The following STK33 variants were observed in gnomAD, a reference collection of about 807,000 sequenced individuals.
The protein encoded by STK33 is serine/threonine-protein kinase 33.
In STK33, 52 loss-of-function variants were observed where a neutral mutation model predicts 58.0. That is an observed-to-expected ratio of 0.90 (90% CI 0.72 to 1.13). The LOEUF is 1.13. Ranked by LOEUF, STK33 falls within the 50% of genes most tolerant of loss-of-function variation. The pLI, the probability that STK33 is intolerant of heterozygous loss-of-function variation, is 0.00. For missense variants in STK33, 630 were observed against 604.2 expected (o/e 1.04, Z -0.45); for synonymous variants, 215 against 200.1 (o/e 1.07, Z -0.63).
At chr11:8,568,908 G>C (rs1432629115) in intron 1 of STK33, among the ~76,000 whole-genome samples, 1 of 152,136 alleles carries the variant, frequency 6.6e-6, no homozygotes, top group African/African-American at 2.4e-5. Context: ...AGACACTAAA[G>C]ATGACAAGGA....
intron 1 of STK33, among the ~76,000 whole-genome samples, chr11:8,509,383 T>C (rs1952128200): frequency 6.6e-6 from 1 of 152,208 alleles, no homozygotes; most frequent in Non-Finnish European, 1.5e-5. Context: ...AACATAATAC[T>C]TGGGCCATGA....
chr11:8,530,394 G>A (rs1954433371), intron 1 of STK33, among the ~76,000 whole-genome samples: 1 of 151,448 alleles, frequency 6.6e-6, no homozygotes, highest in Non-Finnish European at 1.5e-5. Flanking sequence ...TCCTGGTGGG[G>A]GAAATAGTTG....
intron 2 of STK33, among the ~76,000 whole-genome samples, chr11:8,477,991 C>G (rs1949441918): frequency 6.6e-6 from 1 of 152,132 alleles, no homozygotes; most frequent in South Asian, 2.1e-4. Context: ...TAGCTGCATG[C>G]AAAATTTCTT....
chr11:8,457,677 C>A (rs924969396), intron 8 of STK33, among the ~76,000 whole-genome samples, 198 bp from the exon 9 acceptor site: 1 of 152,112 alleles, frequency 6.6e-6, no homozygotes, highest in African/African-American at 2.4e-5. Flanking sequence ...CCAAGAAGCT[C>A]ACAAATAGTT....
At chr11:8,519,155 T>G (rs920919877) in intron 1 of STK33, among the ~76,000 whole-genome samples, 1 of 152,160 alleles carries the variant, frequency 6.6e-6, no homozygotes, top group Non-Finnish European at 1.5e-5. Flanking sequence ...CAGACCACAG[T>G]GCAAACAAAC....
chr11:8,533,509 G>C (rs1344087941), intron 1 of STK33: 3 of 152,266 alleles, frequency 2.0e-5, no homozygotes, highest in Non-Finnish European at 4.4e-5. Flanking sequence ...AGAAGAAAGA[G>C]GTGAAGATCA....
At chr11:8,464,906 C>T (rs564319612) in intron 6 of STK33, 84 bp from the exon 7 acceptor site, 2 of 810,278 alleles carry the variant, frequency 2.5e-6, no homozygotes, top group South Asian at 1.8e-5. Flanking sequence ...CAGATACTCA[C>T]CCAAGGGAAA....
At chr11:8,590,437 A>C (rs1169610474) in intron 1 of STK33, among the ~76,000 whole-genome samples, 2 of 152,204 alleles carry the variant, frequency 1.3e-5, no homozygotes, top group African/African-American at 2.4e-5. Flanking sequence ...AATAAGGATA[A>C]TAGTATTCCT....
In STK33 at chr11:8,438,952, T is replaced by C. The variant is rs188290415; in HGVS notation, c.947+1726A>G. ...GTGTGTTGACCAGCTGAGTTACAGCTACAATCACATCATCCAATTTCTACT... is the reference window on the plus strand; with the variant it reads ...GTGTGTTGACCAGCTGAGTTACAGCCACAATCACATCATCCAATTTCTACT... On this transcript the variant is annotated intron_variant, in intron 12 of 15. Transcript: ENST00000687296. Among the ~76,000 whole-genome samples, 14 of 152,094 alleles carry C rather than the reference T, an allele frequency of 9.2e-5. No individual in the cohort carries two copies. In the East Asian group the frequency reaches 2.7e-3, roughly 29 times the overall value.
At chr11:8,368,596 G>C in the STK33 span, among the ~76,000 whole-genome samples, 914 of 152,326 alleles carry the variant, frequency 6.0e-3, 22 homozygotes, top group East Asian at 0.041. Context: ...AGTCATTTCC[G>C]GGTGTTTATA....
At chr11:8,359,874 GCTTT>G in the STK33 span, among the ~76,000 whole-genome samples, 1 of 151,704 alleles carries the variant, frequency 6.6e-6, no homozygotes, top group South Asian at 2.1e-4. Flanking sequence ...TGGGGCTCCA[GCTTT>G]CTTAGAAGAA....
intron 15 of STK33, among the ~76,000 whole-genome samples, chr11:8,406,230 T>C (rs1170778496): frequency 6.6e-6 from 1 of 152,122 alleles, no homozygotes; most frequent in East Asian, 1.9e-4. Flanking sequence ...TACTAATCTA[T>C]TTGTTTATCC....
intron 1 of STK33, among the ~76,000 whole-genome samples, chr11:8,553,228 G>A (rs1435713969): frequency 1.1e-5 from 1 of 94,974 alleles, no homozygotes; most frequent in Non-Finnish European, 2.0e-5. Flanking sequence ...TATATATGGT[G>A]TGTATATATA....
At chr11:8,339,826 CG>C in the STK33 span, among the ~76,000 whole-genome samples, 1 of 152,228 alleles carries the variant, frequency 6.6e-6, no homozygotes, top group African/African-American at 2.4e-5. Context: ...AACCTCTTCC[CG>C]GGTCTCCTTT....
At chr11:8,506,203 A>G (rs183565091) in intron 1 of STK33, among the ~76,000 whole-genome samples, 3 of 152,258 alleles carry the variant, frequency 2.0e-5, no homozygotes, top group Admixed American at 6.5e-5. Context: ...TTTCCATATG[A>G]TAACCTTTTA....
chr11:8,432,061 T>C (rs1943487446), intron 14 of STK33, among the ~76,000 whole-genome samples: 1 of 152,244 alleles, frequency 6.6e-6, no homozygotes, highest in Non-Finnish European at 1.5e-5. Flanking sequence ...GCTTTAACTA[T>C]ATTTTATACC....
intron 1 of STK33, among the ~76,000 whole-genome samples, chr11:8,521,662 A>G (rs79743904): frequency 0.16 from 25,102 of 152,166 alleles, 2,618 homozygotes; most frequent in South Asian, 0.32. Context: ...TGCACAGCAA[A>G]AGAAACTACC....
intron 14 of STK33, among the ~76,000 whole-genome samples, chr11:8,420,189 C>T (rs1181002648): frequency 6.6e-6 from 1 of 152,066 alleles, no homozygotes; most frequent in Non-Finnish European, 1.5e-5. Context: ...GTTTTAGATA[C>T]CCAAAGAGGA....
chr11:8,410,471 T>TTC (rs1554905546), intron 15 of STK33, among the ~76,000 whole-genome samples: 4 of 37,222 alleles, frequency 1.1e-4, no homozygotes, highest in African/African-American at 4.4e-4. Context: ...TTTTCTTTTC[T>TTC]TTTTTTTTTT....
Sources: allele counts gnomAD v4.1 joint callset (sites outside exome capture counted in the v4.1 genomes callset), GRCh38; gene constraint gnomAD v4.1.1; transcripts MANE v1.5; gene names NCBI Gene and HGNC (gene_info 2026-07-23, HGNC 2026-07-21).